DOCK4: variants seen among roughly 807,000 people sequenced by gnomAD.
DOCK4 encodes dedicator of cytokinesis protein 4.
DOCK4 carries 97 observed loss-of-function variants against 268.1 expected under a neutral mutation model. That is an observed-to-expected ratio of 0.36 (90% CI 0.31 to 0.43). The LOEUF (loss-of-function observed/expected upper bound fraction) is 0.43. Among genes scored for constraint, DOCK4 ranks in the 20% least tolerant of loss-of-function variants. The pLI, the probability that DOCK4 is intolerant of heterozygous loss-of-function variation, is 1.00. For synonymous variants in DOCK4, 954 were observed against 887.2 expected (o/e 1.08, Z -1.34); for missense variants, 2,145 against 2,455.7 (o/e 0.87, Z 2.67).
At chr7:112,048,559 T>A (rs1805053438) in intron 1 of DOCK4, among the ~76,000 whole-genome samples, 1 of 146,622 alleles carries the variant, frequency 6.8e-6, no homozygotes, top group Non-Finnish European at 1.5e-5. Context: ...TGAGACCCCA[T>A]CTCAAAAAAA....
intron 12 of DOCK4, among the ~76,000 whole-genome samples, chr7:111,924,500 G>T (rs886468051): frequency 1.3e-5 from 2 of 152,176 alleles, no homozygotes; most frequent in African/African-American, 4.8e-5. Context: ...CTGAGCTGGT[G>T]CAGGCAGGAA....
intron 1 of DOCK4, among the ~76,000 whole-genome samples, chr7:112,067,989 A>G (rs796095813): frequency 6.0e-5 from 9 of 150,882 alleles, no homozygotes; most frequent in African/African-American, 2.2e-4. Flanking sequence ...TGTTCATCTC[A>G]AAGCAGGTAT....
At chr7:111,875,350 C>T (rs574580693) in intron 17 of DOCK4, among the ~76,000 whole-genome samples, 1 of 152,294 alleles carries the variant, frequency 6.6e-6, no homozygotes, top group East Asian at 1.9e-4. Context: ...GTCTTATTTT[C>T]ATAATTGTGT....
At chr7:111,912,001 AG>A (rs1173510633) in intron 13 of DOCK4, among the ~76,000 whole-genome samples, 10 of 152,190 alleles carry the variant, frequency 6.6e-5, no homozygotes, top group Non-Finnish European at 7.3e-5. Context: ...CAGTACCATG[AG>A]ATGCTCAGGC....
At position 112,165,185 on chromosome 7, in the gene DOCK4, C is replaced by T. The variant is rs551542922; in HGVS notation, c.37+40917G>A. On this transcript the variant is annotated intron_variant, in intron 1 of 52. Coordinates refer to ENST00000428084, the MANE Select transcript of DOCK4 (RefSeq NM_001363540.2). ...ATGAAGCCAGGGTATTTAGGGTGCC[C>T]GTCACCAGAGCACAGTACAGTTTTG... Among the ~76,000 whole-genome samples the T allele has an allele frequency of 2.5e-3, 386 of 152,114 alleles. 2 individuals are homozygous for T. The highest frequency in any genetic ancestry group is 8.9e-3 in the African/African-American group (368 of 41,494).
chr7:111,973,514 T>A (rs1797897977), intron 8 of DOCK4, among the ~76,000 whole-genome samples: 1 of 152,172 alleles, frequency 6.6e-6, no homozygotes, highest in South Asian at 2.1e-4. Flanking sequence ...AATTTACTTA[T>A]AAGACTTATC....
chr7:112,069,970 GA>G (rs1048689984), intron 1 of DOCK4, among the ~76,000 whole-genome samples: 10 of 152,128 alleles, frequency 6.6e-5, no homozygotes, highest in African/African-American at 2.4e-4. Context: ...CATTAGGGTG[GA>G]AAGAAAAGCT....
At chr7:111,949,224 A>G (rs1034855190) in intron 8 of DOCK4, among the ~76,000 whole-genome samples, 1 of 152,212 alleles carries the variant, frequency 6.6e-6, no homozygotes, top group Admixed American at 6.5e-5. Context: ...CAAATTTCAC[A>G]TTATCTTGGT....
intron 27 of DOCK4, among the ~76,000 whole-genome samples, chr7:111,813,677 G>GGGT: frequency 6.6e-6 from 1 of 152,090 alleles, no homozygotes; most frequent in Non-Finnish European, 1.5e-5. Context: ...TCCCCTAAAT[G>GGGT]GCAGATATCA....
intron 1 of DOCK4, among the ~76,000 whole-genome samples, chr7:112,134,167 T>C (rs547989732): frequency 6.6e-6 from 1 of 150,514 alleles, no homozygotes; most frequent in South Asian, 2.1e-4. Context: ...TCAGAGTCCA[T>C]AATTTATAGA....
At chr7:111,841,041 A>G (rs754752378) in intron 25 of DOCK4, among the ~76,000 whole-genome samples, 1 of 152,304 alleles carries the variant, frequency 6.6e-6, no homozygotes, top group South Asian at 2.1e-4. Context: ...TGCTACCACA[A>G]TGACTAACGG....
rs982912693 is a variant in DOCK4 at position 112,129,777 on chromosome 7, G to T, written c.37+76325C>A. Among the ~76,000 whole-genome samples the T allele has an allele frequency of 3.3e-5, 5 of 152,098 alleles. 1 individual carries two copies. The highest frequency in any genetic ancestry group is 1.2e-4 in the African/African-American group (5 of 41,394). On this transcript the variant is annotated intron_variant, in intron 1 of 52. Coordinates refer to ENST00000428084, the MANE Select transcript of DOCK4 (RefSeq NM_001363540.2). ...ATTCATATGTAGAAATCTATAAACA[G>T]CAGAGGAGGACAACATTCCTCCTTT...
chr7:112,176,830 T>C (rs1818564245), intron 1 of DOCK4, among the ~76,000 whole-genome samples: 1 of 152,196 alleles, frequency 6.6e-6, no homozygotes, highest in East Asian at 1.9e-4. Flanking sequence ...TTGCACATAA[T>C]ATAAAAACAA....
intron 8 of DOCK4, among the ~76,000 whole-genome samples, chr7:111,962,728 T>C (rs754484047): frequency 2.6e-5 from 4 of 152,188 alleles, no homozygotes; most frequent in South Asian, 2.1e-4. Flanking sequence ...TAGAAGGTAA[T>C]TGTAGGCAAT....
chr7:112,155,163 A>C (rs1257229944), intron 1 of DOCK4, among the ~76,000 whole-genome samples: 3 of 152,186 alleles, frequency 2.0e-5, no homozygotes, highest in Non-Finnish European at 4.4e-5. Flanking sequence ...CTTTTATGTG[A>C]CACTGTTTAA....
intron 1 of DOCK4, among the ~76,000 whole-genome samples, chr7:112,194,853 G>A (rs1371818620): frequency 9.8e-5 from 15 of 152,292 alleles, no homozygotes; most frequent in Admixed American, 5.2e-4. Context: ...TCTACATAGT[G>A]TATACATGAT....
intron 1 of DOCK4, among the ~76,000 whole-genome samples, chr7:112,019,668 T>A (rs1320851590): frequency 6.6e-6 from 1 of 152,146 alleles, no homozygotes; most frequent in Non-Finnish European, 1.5e-5. Context: ...TAAATAAATT[T>A]CCCTGCTGTC....
intron 1 of DOCK4, among the ~76,000 whole-genome samples, chr7:112,162,640 C>T (rs1289400388): frequency 6.6e-6 from 1 of 151,914 alleles, no homozygotes; most frequent in Non-Finnish European, 1.5e-5. Context: ...TCCTAAGAAA[C>T]TCCATATAAC....
intron 1 of DOCK4, among the ~76,000 whole-genome samples, chr7:112,168,884 T>C (rs1817835235): frequency 6.6e-6 from 1 of 152,200 alleles, no homozygotes; most frequent in African/African-American, 2.4e-5. Flanking sequence ...AAAAATTACA[T>C]TCTAAGCATG....
Sources: gnomAD v4.1 joint callset for allele counts (sites outside exome capture counted in the v4.1 genomes callset) on GRCh38, gnomAD v4.1.1 for gene constraint, MANE v1.5 for transcripts, NCBI Gene and HGNC (gene_info 2026-07-23, HGNC 2026-07-21) for gene names.